DPP10: variants seen among roughly 807,000 people sequenced by gnomAD.
DPP10 encodes the protein inactive dipeptidyl peptidase 10.
Under a neutral mutation model 120.9 loss-of-function variants are expected in DPP10, and 33 were observed. The ratio of observed to expected loss-of-function variants is 0.27; its 90% CI spans 0.21 to 0.37. The LOEUF is 0.37. DPP10 is among the 10% of genes least tolerant of loss of function. The pLI is 1.00. For synonymous variants in DPP10, 337 were observed against 326.1 expected, an observed-to-expected ratio of 1.03 and a Z score of -0.36; for missense variants, 816 against 942.8, an observed-to-expected ratio of 0.87 and a Z score of 1.76.
intron 7 of DPP10, among the ~76,000 whole-genome samples, chr2:115,727,335 C>A (rs886932611): frequency 3.3e-5 from 5 of 152,092 alleles, no homozygotes; most frequent in Non-Finnish European, 7.4e-5. Flanking sequence ...AATCTGTGAG[C>A]TGAGCTAGAT....
chr2:115,685,712 G>C lies in DPP10; in HGVS notation c.442-3975G>C, dbSNP rs546935462. 3.3e-5 allele frequency among the ~76,000 whole-genome samples: 5 copies of C among 152,082 alleles called. No homozygotes were observed. In the East Asian group the frequency reaches 9.7e-4, roughly 29 times the overall value. On this transcript the variant is annotated intron_variant, in intron 5 of 25. Coordinates refer to ENST00000410059, the MANE Select transcript of DPP10 (RefSeq NM_020868.6). ...TTTAAAAATAGTTATTGTGGTGCCT[G>C]TATCAAAGATATTAACAGAAATTTG...
intron 1 of DPP10, among the ~76,000 whole-genome samples, chr2:115,056,106 A>G (rs1705883103): frequency 6.6e-6 from 1 of 152,166 alleles, no homozygotes; most frequent in South Asian, 2.1e-4. Flanking sequence ...TCTGCAGTAA[A>G]CTTGTTTCTG....
intron 1 of DPP10, among the ~76,000 whole-genome samples, chr2:114,595,977 C>T (rs1691873997): frequency 6.6e-6 from 1 of 152,092 alleles, no homozygotes; most frequent in African/African-American, 2.4e-5. Context: ...GAAATCAATT[C>T]AGAGATGTCA....
chr2:115,345,548 T>C (rs2063670532), intron 3 of DPP10, among the ~76,000 whole-genome samples: 1 of 152,190 alleles, frequency 6.6e-6, no homozygotes, highest in Non-Finnish European at 1.5e-5. Flanking sequence ...AGATTTGAAA[T>C]GCTGAATAAT....
intron 2 of DPP10, among the ~76,000 whole-genome samples, chr2:115,339,599 C>G (rs899415921): frequency 4.6e-5 from 7 of 152,154 alleles, no homozygotes; most frequent in African/African-American, 1.7e-4. Context: ...AGAATGGTCT[C>G]TCAATACCCT....
intron 2 of DPP10, among the ~76,000 whole-genome samples, chr2:115,338,697 G>T (rs1266983065): frequency 6.6e-6 from 1 of 152,144 alleles, no homozygotes; most frequent in Admixed American, 6.5e-5. Context: ...CAAAAATGAA[G>T]TTGGAACAAT....
chr2:114,925,220 A>T (rs567713960), intron 1 of DPP10, among the ~76,000 whole-genome samples: 3 of 151,994 alleles, frequency 2.0e-5, no homozygotes, highest in Admixed American at 1.3e-4. Flanking sequence ...CAAAAAAAAA[A>T]AAAAAAAAAA....
intron 1 of DPP10, among the ~76,000 whole-genome samples, chr2:114,443,857 G>T (rs1677797024): frequency 6.6e-6 from 1 of 151,994 alleles, no homozygotes; most frequent in South Asian, 2.1e-4. Context: ...TATGTCTCAG[G>T]CCTTTAATAA....
intron 1 of DPP10, among the ~76,000 whole-genome samples, chr2:114,633,628 T>G (rs1695108732): frequency 6.6e-6 from 1 of 151,564 alleles, no homozygotes; most frequent in African/African-American, 2.4e-5. Flanking sequence ...TTATTATTAT[T>G]TTTTGAGATG....
chr2:115,638,439 G>A (rs537924283), intron 5 of DPP10, among the ~76,000 whole-genome samples: 3 of 152,264 alleles, frequency 2.0e-5, no homozygotes, highest in South Asian at 2.1e-4. Context: ...CTCTAAGGCC[G>A]AATCCAAGTG....
intron 1 of DPP10, among the ~76,000 whole-genome samples, chr2:114,910,724 G>T (rs189832408): frequency 6.6e-6 from 1 of 152,028 alleles, no homozygotes. Flanking sequence ...CTGGAGCAAC[G>T]ATCTTTAAAA....
rs569238262 is a variant in DPP10, at chr2:115,320,427, T to A, written c.175+11074T>A. ...TACGTGTTTTTTTTCTTTAAGTCCT[T>A]CAATGCTGCTTTCTTTTGTGTTTAT... On this transcript the variant is annotated intron_variant, in intron 2 of 25. Coordinates refer to ENST00000410059, the MANE Select transcript of DPP10 (RefSeq NM_020868.6). Among the ~76,000 whole-genome samples, 14 of 152,156 alleles carry A rather than the reference T, an allele frequency of 9.2e-5. No individual in the cohort carries two copies. In the South Asian group the frequency reaches 2.9e-3, roughly 32 times the overall value.
intron 1 of DPP10, among the ~76,000 whole-genome samples, chr2:114,914,251 G>A (rs1407532560): frequency 6.6e-6 from 1 of 152,172 alleles, no homozygotes; most frequent in Non-Finnish European, 1.5e-5. Context: ...CACAAGACAC[G>A]TAGTCATCGT....
At chr2:114,500,395 T>C (rs1459776182) in intron 1 of DPP10, among the ~76,000 whole-genome samples, 1 of 152,240 alleles carries the variant, frequency 6.6e-6, no homozygotes, top group Non-Finnish European at 1.5e-5. Context: ...AAAATATCTA[T>C]GTCTCTGACA....
At chr2:115,545,922 C>A (rs2148983422) in intron 5 of DPP10, among the ~76,000 whole-genome samples, 1 of 152,106 alleles carries the variant, frequency 6.6e-6, no homozygotes, top group Non-Finnish European at 1.5e-5. Flanking sequence ...ATGTCATGGT[C>A]CCCCCTTTAT....
intron 1 of DPP10, among the ~76,000 whole-genome samples, chr2:114,632,324 T>C (rs1694982426): frequency 6.6e-6 from 1 of 152,030 alleles, no homozygotes; most frequent in Non-Finnish European, 1.5e-5. Context: ...CTAATGGTTT[T>C]AGCACTCATT....
At chr2:114,895,457 G>A (rs1692889816) in intron 1 of DPP10, among the ~76,000 whole-genome samples, 1 of 152,274 alleles carries the variant, frequency 6.6e-6, no homozygotes, top group Admixed American at 6.5e-5. Flanking sequence ...CAAGAGGTAT[G>A]TGGGTCACTT....
intron 1 of DPP10, among the ~76,000 whole-genome samples, chr2:114,583,094 T>G (rs759819649): frequency 2.0e-5 from 3 of 152,262 alleles, no homozygotes; most frequent in Non-Finnish European, 4.4e-5. Context: ...TACAGTTTGT[T>G]AGGCTCTCTT....
intron 1 of DPP10, among the ~76,000 whole-genome samples, chr2:115,193,685 T>C (rs909975579): frequency 6.6e-6 from 1 of 152,194 alleles, no homozygotes; most frequent in Non-Finnish European, 1.5e-5. Flanking sequence ...TCCTTCCTGG[T>C]TCTCTAAGTA....
Sources: gnomAD v4.1 joint callset for allele counts (sites outside exome capture counted in the v4.1 genomes callset) on GRCh38, gnomAD v4.1.1 for gene constraint, MANE v1.5 for transcripts, NCBI Gene and HGNC (gene_info 2026-07-23, HGNC 2026-07-21) for gene names.